Variants in ARHGAP42 observed in about 807,000 individuals in gnomAD.
ARHGAP42 encodes the protein Rho GTPase activating protein 42, also known as rho GTPase-activating protein 42.
ARHGAP42 carries 63 observed loss-of-function variants against 125.0 expected under a neutral mutation model. That is an observed-to-expected ratio of 0.50 (90% CI 0.41 to 0.62). ARHGAP42 has a LOEUF of 0.62. Among genes scored for constraint, ARHGAP42 ranks in the 20% least tolerant of loss-of-function variants. ARHGAP42 has a pLI of 0.00. For missense variants in ARHGAP42, 766 were observed against 1,024.2 expected, an observed-to-expected ratio of 0.75 and a Z score of 3.44; for synonymous variants, 339 against 351.0, an observed-to-expected ratio of 0.97 and a Z score of 0.38.
chr11:100,794,990 C>G, intron 2 of ARHGAP42, 115 bp from the exon 3 acceptor site: 1 of 691,982 alleles, frequency 1.4e-6, no homozygotes, highest in South Asian at 2.4e-5. Flanking sequence ...TAATAGTATA[C>G]AGAATATACT....
intron 5 of ARHGAP42, among the ~76,000 whole-genome samples, chr11:100,914,826 T>C (rs1867022066): frequency 6.6e-6 from 1 of 152,164 alleles, no homozygotes; most frequent in Non-Finnish European, 1.5e-5. Flanking sequence ...TTATTTCTCC[T>C]ACCTCTGAGT....
intron 6 of ARHGAP42, among the ~76,000 whole-genome samples, chr11:100,930,691 G>T (rs911715606): frequency 1.3e-5 from 2 of 152,116 alleles, no homozygotes; most frequent in African/African-American, 4.8e-5. Flanking sequence ...TTATTTTTTA[G>T]AACATGATTA....
intron 4 of ARHGAP42, among the ~76,000 whole-genome samples, chr11:100,895,477 T>C (rs1452291177): frequency 6.6e-6 from 1 of 151,812 alleles, no homozygotes; most frequent in East Asian, 1.9e-4. Flanking sequence ...CCAGAACTAT[T>C]CTTATAAAAG....
Position 100,988,718 on chromosome 11 carries a change from C to T in ARHGAP42, c.2542C>T (p.Pro848Ser). 2 of 1,548,350 alleles carry T rather than the reference C, an allele frequency of 1.3e-6. No individual in the cohort carries two copies. The highest frequency in any genetic ancestry group is 1.7e-6 in the Non-Finnish European group (2 of 1,144,686). Residue 848 changes from proline to serine, a missense_variant, in exon 24 of 24, where the codon CCA becomes TCA. Physicochemically the swap from Pro to Ser is moderately conservative, Grantham distance 74 (BLOSUM62 -1). This residue lies in a region of ARHGAP42 where 308 missense variants were observed against 369.7 expected (regional missense o/e 0.83). Coordinates refer to ENST00000298815, the MANE Select transcript of ARHGAP42 (RefSeq NM_152432.4). ...PQGAIFSNVY[P>S]SVEPGWLKAT... ...TTATTTATTTATTTTGCCAGTGTAC[C>T]CATCAGTGGAACCAGGATGGTTAAA...
rs534378339 is a variant in ARHGAP42 at position 100,972,795 on chromosome 11, T to C, written c.1551-380T>C. Among the ~76,000 whole-genome samples the C allele has an allele frequency of 5.9e-5, 9 of 152,292 alleles. No homozygotes were observed. The South Asian group carries it at 1.9e-3, about 32-fold the overall frequency. On this transcript the variant is annotated intron_variant, in intron 17 of 23. Transcript: ENST00000298815. ...TAGGAAAATTCCTGGCAATAGATTC[T>C]CAATAATATGTTTGGTGACTCTGAA...
intron 3 of ARHGAP42, among the ~76,000 whole-genome samples, chr11:100,814,624 CG>C (rs1864223149): frequency 6.6e-6 from 1 of 151,934 alleles, no homozygotes; most frequent in Non-Finnish European, 1.5e-5. Flanking sequence ...ACAGTCATGG[CG>C]GAAGTGGAAG....
chr11:100,971,043 A>T (rs1858230626), intron 17 of ARHGAP42, among the ~76,000 whole-genome samples: 1 of 152,108 alleles, frequency 6.6e-6, no homozygotes, highest in Admixed American at 6.5e-5. Flanking sequence ...TCTTGGCCAC[A>T]TTTGCCCAGA....
chr11:100,815,888 G>A (rs972571413), intron 3 of ARHGAP42, among the ~76,000 whole-genome samples: 1 of 152,080 alleles, frequency 6.6e-6, no homozygotes, highest in Non-Finnish European at 1.5e-5. Flanking sequence ...ATGTGCAAGT[G>A]GAATTATATA....
At chr11:100,827,751 G>A (rs933518336) in intron 3 of ARHGAP42, among the ~76,000 whole-genome samples, 3 of 152,230 alleles carry the variant, frequency 2.0e-5, no homozygotes, top group Non-Finnish European at 4.4e-5. Flanking sequence ...ATTCACAAGA[G>A]AGAGCTGGCT....
intron 2 of ARHGAP42, among the ~76,000 whole-genome samples, chr11:100,776,802 G>C: frequency 6.6e-6 from 1 of 151,966 alleles, no homozygotes; most frequent in East Asian, 1.9e-4. Flanking sequence ...GGTCAACATG[G>C]TGAAACCCCA....
At chr11:100,791,149 T>G (rs1863558923) in intron 2 of ARHGAP42, among the ~76,000 whole-genome samples, 1 of 152,162 alleles carries the variant, frequency 6.6e-6, no homozygotes, top group East Asian at 1.9e-4. Context: ...TAGGGCATTT[T>G]TGGGTCCTGT....
chr11:100,935,656 T>TCACA (rs370952044), intron 7 of ARHGAP42, among the ~76,000 whole-genome samples: 2,654 of 140,602 alleles, frequency 0.019, 32 homozygotes, highest in Non-Finnish European at 0.024. Flanking sequence ...AGGAAGAAGG[T>TCACA]CACACACACA....
intron 1 of ARHGAP42, among the ~76,000 whole-genome samples, chr11:100,745,482 C>T (rs574864034): frequency 2.6e-5 from 4 of 152,138 alleles, no homozygotes; most frequent in Non-Finnish European, 4.4e-5. Context: ...ACACCTATTA[C>T]GGCTGTGAGG....
In ARHGAP42 at chr11:100,845,092, T is replaced by C. The variant is rs551788844; in HGVS notation, c.313-14462T>C. The stretch of plus-strand genomic sequence containing the variant: ...AGAAACTGTGATATATATATATATA[T>C]ACACACACACACATGTATACATATC... On this transcript the variant is annotated intron_variant, in intron 3 of 23. Coordinates refer to ENST00000298815, the MANE Select transcript of ARHGAP42 (RefSeq NM_152432.4). Among the ~76,000 whole-genome samples the C allele has an allele frequency of 8.9e-4, 134 of 151,348 alleles. 1 individual carries two copies. The highest frequency in any genetic ancestry group is 3.7e-3 in the East Asian group (19 of 5,148).
intron 1 of ARHGAP42, among the ~76,000 whole-genome samples, chr11:100,715,043 T>G (rs1861633190): frequency 1.2e-5 from 1 of 82,250 alleles, no homozygotes; most frequent in Non-Finnish European, 2.1e-5. Context: ...AGTGAAACCC[T>G]ATCTCAAAAA....
At chr11:100,821,174 G>A (rs1281856888) in intron 3 of ARHGAP42, among the ~76,000 whole-genome samples, 1 of 152,082 alleles carries the variant, frequency 6.6e-6, no homozygotes, top group East Asian at 1.9e-4. Context: ...GGAGAGAGAT[G>A]AGTATGGACT....
chr11:100,710,315 C>A (rs1188850074), intron 1 of ARHGAP42, among the ~76,000 whole-genome samples: 1 of 151,804 alleles, frequency 6.6e-6, no homozygotes, highest in Non-Finnish European at 1.5e-5. Context: ...GTAATCTCCA[C>A]CTCCCGGTTG....
intron 1 of ARHGAP42, among the ~76,000 whole-genome samples, chr11:100,760,544 C>CA (rs1862677200): frequency 6.6e-6 from 1 of 151,660 alleles, no homozygotes; most frequent in Admixed American, 6.6e-5. Context: ...ACTAAAAATA[C>CA]AAAAAAATTA....
Position 100,757,572 on chromosome 11 carries a change from A to G in ARHGAP42, c.155-12771A>G, listed in dbSNP as rs532657417. ...AAAATAGTATAGTTCACCAAAAATC[A>G]TCATCTCTATTGTGATACCTTAAAA... On this transcript the variant is annotated intron_variant, in intron 1 of 23. Transcript: ENST00000298815. Among the ~76,000 whole-genome samples the G allele has an allele frequency of 4.6e-5, 7 of 152,314 alleles. No individual in the cohort carries two copies. The South Asian group carries it at 1.4e-3, about 32-fold the overall frequency.
Sources: gnomAD v4.1 joint callset for allele counts (sites outside exome capture counted in the v4.1 genomes callset) on GRCh38, gnomAD v4.1.1 for gene constraint, gnomAD v4.1.1 regional missense constraint, MANE v1.5 for transcripts, NCBI Gene and HGNC (gene_info 2026-07-23, HGNC 2026-07-21) for gene names.